The following RAD18 variants were observed in gnomAD, a reference collection of about 807,000 sequenced individuals.
The protein encoded by RAD18 is RAD18 E3 ubiquitin protein ligase.
RAD18 carries 47 observed loss-of-function variants against 60.4 expected under a neutral mutation model. The ratio of observed to expected loss-of-function variants is 0.78; its 90% confidence interval spans 0.62 to 0.99. The LOEUF is 0.99. Among genes scored for constraint, RAD18 ranks in the 50% least tolerant of loss-of-function variants. The pLI is 0.00. For missense variants in RAD18, 640 were observed against 593.3 expected (o/e 1.08, Z -0.82); for synonymous variants, 225 against 195.5 (o/e 1.15, Z -1.26).
intron 1 of RAD18, among the ~76,000 whole-genome samples, chr3:8,961,925 T>A (rs2124850378): frequency 6.6e-6 from 1 of 152,312 alleles, no homozygotes; most frequent in Non-Finnish European, 1.5e-5. Context: ...TCTTTTACTT[T>A]CCTTATCCAA....
chr3:8,915,875 A>G (rs1940191434), intron 7 of RAD18, among the ~76,000 whole-genome samples: 1 of 152,036 alleles, frequency 6.6e-6, no homozygotes, highest in African/African-American at 2.4e-5. Flanking sequence ...GAGCCACCGC[A>G]CCTGGCCTTG....
At chr3:8,922,070 G>A (rs377257868) in intron 7 of RAD18, among the ~76,000 whole-genome samples, 4 of 152,198 alleles carry the variant, frequency 2.6e-5, no homozygotes, top group African/African-American at 9.6e-5. Flanking sequence ...CATCTCACTG[G>A]GGATTTTCGG....
chr3:8,942,117 C>T (rs1479282204), intron 4 of RAD18, among the ~76,000 whole-genome samples: 1 of 152,120 alleles, frequency 6.6e-6, no homozygotes, highest in Non-Finnish European at 1.5e-5. Flanking sequence ...GTCTGGATGT[C>T]GTCTCCACCA....
intron 2 of RAD18, 136 bp from the exon 3 acceptor site, chr3:8,948,706 C>T: frequency 1.5e-6 from 1 of 654,768 alleles, no homozygotes; most frequent in Non-Finnish European, 2.6e-6. Flanking sequence ...ATTTCTAGTA[C>T]CTCTACTCTA....
In RAD18 at chr3:8,884,415, T is replaced by C. The variant is rs576614671; in HGVS notation, c.1386-2956A>G. Among the ~76,000 whole-genome samples, 17 of 152,356 alleles carry C rather than the reference T, an allele frequency of 1.1e-4. 1 individual carries two copies. The South Asian group carries it at 3.5e-3, about 32-fold the overall frequency. On this transcript the variant is annotated intron_variant, in intron 12 of 12. Transcript: ENST00000264926. The stretch of plus-strand genomic sequence containing the variant: ...GCTATCACTCTTATCATTTTTACTT[T>C]TTTTTCATGTTTTAGTTTATGTTCT...
intron 9 of RAD18, among the ~76,000 whole-genome samples, chr3:8,908,031 G>C (rs181478183): frequency 1.3e-5 from 2 of 151,730 alleles, no homozygotes; most frequent in Admixed American, 6.5e-5. Context: ...CCCATAATAC[G>C]GGGGCTCATC....
intron 7 of RAD18, among the ~76,000 whole-genome samples, chr3:8,928,983 A>G (rs1382175775): frequency 1.3e-5 from 2 of 152,218 alleles, no homozygotes; most frequent in Admixed American, 6.5e-5. Context: ...AAATTAAACA[A>G]TACTTCTATT....
intron 4 of RAD18, among the ~76,000 whole-genome samples, chr3:8,946,743 A>C (rs141899698): frequency 4.9e-4 from 75 of 152,374 alleles, no homozygotes; most frequent in African/African-American, 1.8e-3. Flanking sequence ...AGAATCAATT[A>C]TAGATATGTG....
intron 7 of RAD18, among the ~76,000 whole-genome samples, chr3:8,925,031 G>C (rs1482655473): frequency 1.4e-5 from 2 of 146,080 alleles, no homozygotes; most frequent in African/African-American, 2.6e-5. Context: ...ACATTCAAAA[G>C]CTAGCAGAAG....
At position 8,936,013 on chromosome 3, in the gene RAD18, A is replaced by T. The variant is rs1379481645; in HGVS notation, c.747T>A (p.Asn249Lys). ...KRKPLPKTVY[N>K]LLSDRDLKKK... Reference sequence around the variant, plus strand: ...TCTTTAAATCACGATCAGAGAGCAAATTATATACAGTTTTGGGCAGCGGCT... The same window carrying T: ...TCTTTAAATCACGATCAGAGAGCAATTTATATACAGTTTTGGGCAGCGGCT... The change falls in exon 7 of 13, where the codon AAT (asparagine) becomes AAA (lysine). Residue 249 changes from asparagine to lysine, a missense_variant. Physicochemically the swap from Asn to Lys is moderately conservative, Grantham distance 94. Coordinates refer to ENST00000264926, the MANE Select transcript of RAD18 (RefSeq NM_020165.4). 6.2e-7 allele frequency: 1 copy of T among 1,608,986 alleles called. No individual in the cohort carries two copies. The highest frequency in any genetic ancestry group is 8.5e-7 in the Non-Finnish European group (1 of 1,177,558).
intron 11 of RAD18, 38 bp downstream of exon 11, chr3:8,898,856 T>G (rs763502526): frequency 6.8e-7 from 1 of 1,473,648 alleles, no homozygotes; most frequent in Admixed American, 2.0e-5. Flanking sequence ...GCATATGAAG[T>G]AGATATTTAA....
chr3:8,897,121 T>C (rs748907162), intron 11 of RAD18, among the ~76,000 whole-genome samples: 27 of 152,208 alleles, frequency 1.8e-4, no homozygotes, highest in Admixed American at 3.3e-4. Flanking sequence ...GAAATTCTTT[T>C]TTTTAATTAG....
intron 9 of RAD18, among the ~76,000 whole-genome samples, chr3:8,905,263 C>T (rs1939983875): frequency 6.6e-6 from 1 of 152,150 alleles, no homozygotes; most frequent in Admixed American, 6.5e-5. Context: ...TTTTGAATAC[C>T]TGAATCATAC....
At chr3:8,921,034 A>G (rs1194343489) in intron 7 of RAD18, among the ~76,000 whole-genome samples, 2 of 152,250 alleles carry the variant, frequency 1.3e-5, no homozygotes, top group Non-Finnish European at 2.9e-5. Context: ...ATACAAGGAC[A>G]TATTTAGGGG....
chr3:8,953,556 G>C (rs1574828039), intron 2 of RAD18, among the ~76,000 whole-genome samples: 1 of 152,286 alleles, frequency 6.6e-6, no homozygotes, highest in East Asian at 1.9e-4. Flanking sequence ...AACAGCTGAA[G>C]AGTTTTGAAT....
chr3:8,897,294 A>G (rs1342232993), intron 11 of RAD18, among the ~76,000 whole-genome samples: 1 of 152,202 alleles, frequency 6.6e-6, no homozygotes, highest in Non-Finnish European at 1.5e-5. Context: ...GGGGGATAAT[A>G]GAAATCGCTT....
intron 1 of RAD18, 35 bp downstream of exon 1, chr3:8,963,299 AC>A (rs1559807010): frequency 6.3e-7 from 1 of 1,581,228 alleles, no homozygotes; most frequent in Non-Finnish European, 8.6e-7. Context: ...CCCCCCGCAG[AC>A]ACCCGGGAGC....
At chr3:8,916,247 G>A (rs545068767) in intron 7 of RAD18, among the ~76,000 whole-genome samples, 3 of 152,162 alleles carry the variant, frequency 2.0e-5, no homozygotes, top group Admixed American at 6.5e-5. Context: ...GGGCAGGATC[G>A]CTGAAAAAGC....
In RAD18 at chr3:8,901,432, T is replaced by C. The variant is rs370345705; in HGVS notation, c.1168+948A>G. 5.3e-5 allele frequency among the ~76,000 whole-genome samples: 8 copies of C among 152,122 alleles called. No homozygotes were observed. In the East Asian group the frequency reaches 1.4e-3, roughly 26 times the overall value. ...AAATGGATAAACAAAATATGACATA[T>C]ACATACTATGGAATACTGTTTAATC... On this transcript the variant is annotated intron_variant, in intron 10 of 12. Transcript: ENST00000264926.
Sources: allele counts gnomAD v4.1 joint callset (sites outside exome capture counted in the v4.1 genomes callset), GRCh38; gene constraint gnomAD v4.1.1; transcripts MANE v1.5; gene names NCBI Gene and HGNC (gene_info 2026-07-23, HGNC 2026-07-21).